Variants in ULBP3 observed in about 807,000 individuals in gnomAD.
The protein encoded by ULBP3 is UL16 binding protein 3.
Under a neutral mutation model 24.9 loss-of-function variants are expected in ULBP3, and 25 were observed. The observed-to-expected ratio is 1.00, with a 90% CI of 0.73 to 1.40. The LOEUF is 1.40. Among genes scored for constraint, ULBP3 ranks in the 40% most tolerant of loss-of-function variants. ULBP3 has a pLI of 0.00. For synonymous variants in ULBP3, 114 were observed against 114.7 expected, an observed-to-expected ratio of 0.99 and a Z score of 0.04; for missense variants, 306 against 307.5, an observed-to-expected ratio of 1.00 and a Z score of 0.04.
At chr6:150,065,126 T>TGACGCCCACAGTTTC (rs1348489982) in intron 3 of ULBP3, among the ~76,000 whole-genome samples, 1 of 151,984 alleles carries the variant, frequency 6.6e-6, no homozygotes. Context: ...CCCACAGTTT[T>TGACGCCCACAGTTTC]GAGGCTGGTG....
At chr6:150,068,876 C>A (rs1776387217) in intron 1 of ULBP3, 103 bp downstream of exon 1, 3 of 1,235,596 alleles carry the variant, frequency 2.4e-6, no homozygotes, top group South Asian at 3.4e-5. Flanking sequence ...CCGGGGAGAT[C>A]GCGCCGGTCC....
At position 150,068,580 on chromosome 6, in the gene ULBP3, G is replaced by A. The variant is rs554994540; in HGVS notation, c.88+399C>T. On this transcript the variant is annotated intron_variant, in intron 1 of 4. Transcript: ENST00000367339. ...TTCTAGAAAGGGTTTGCTGACTCCTGTCTGCTTAGTGACTATTCTATATGA... is the reference window on the plus strand; with the variant it reads ...TTCTAGAAAGGGTTTGCTGACTCCTATCTGCTTAGTGACTATTCTATATGA... Among the ~76,000 whole-genome samples the A allele has an allele frequency of 5.3e-5, 8 of 152,330 alleles. No individual in the cohort carries two copies. The South Asian group carries it at 1.7e-3, about 32-fold the overall frequency.
At chr6:150,066,661 C>T (rs1776351701) in intron 1 of ULBP3, among the ~76,000 whole-genome samples, 1 of 152,132 alleles carries the variant, frequency 6.6e-6, no homozygotes, top group African/African-American at 2.4e-5. Context: ...AACAGAAAAC[C>T]CAGGTCTTAC....
chr6:150,067,706 A>T (rs1776367582), intron 1 of ULBP3, among the ~76,000 whole-genome samples: 1 of 152,138 alleles, frequency 6.6e-6, no homozygotes, highest in African/African-American at 2.4e-5. Flanking sequence ...ACACTCTGTG[A>T]TGAGGGGTGT....
rs1776270756 is a variant in ULBP3, at chr6:150,061,195, T to C, written c.*2179A>G. Among the ~76,000 whole-genome samples, 5 of 152,318 alleles carry C rather than the reference T, an allele frequency of 3.3e-5. No individual in the cohort carries two copies. The South Asian group carries it at 1.0e-3, about 32-fold the overall frequency. On this transcript the variant is annotated 3_prime_UTR_variant, in exon 5 of 5. Transcript: ENST00000367339. ...CTGGGTTAGCGTTCATAGTGCAAAG[T>C]TCTCTCGTTCCACTCAGTTAACCCC...
At chr6:150,067,600 T>C (rs1238382172) in intron 1 of ULBP3, among the ~76,000 whole-genome samples, 1 of 152,190 alleles carries the variant, frequency 6.6e-6, no homozygotes, top group Non-Finnish European at 1.5e-5. Context: ...TGGATAGTGT[T>C]TGTAGTTAAT....
In ULBP3 at chr6:150,065,984, T is replaced by A; in HGVS notation, c.267A>T (p.Gly89=). Residue 89 remains glycine (G), a synonymous_variant, in exon 2 of 5, where the codon GGA becomes GGT. Coordinates refer to ENST00000367339, the MANE Select transcript of ULBP3 (RefSeq NM_024518.3). ...CCTCTCTCAGCATTTCCAGTTGTTT[T>A]CCCCAGGCATCTGTGGCATACAGCT... ...EEQLYATDAW[G]KQLEMLREVG... 6.2e-7 allele frequency: 1 copy of A among 1,614,188 alleles called. No individual in the cohort carries two copies. The highest frequency in any genetic ancestry group is 1.1e-5 in the South Asian group (1 of 91,080).
rs368523204 is a variant in ULBP3, at chr6:150,062,929, T to C, written c.*445A>G. Among the ~76,000 whole-genome samples, 11 of 151,342 alleles carry C rather than the reference T, an allele frequency of 7.3e-5. No homozygotes were observed. Among genetic ancestry groups the C allele is most frequent in the African/African-American group, 2.2e-4 (9 of 41,214 alleles). ...CATCCTGGCTAACAAGGTGAAACCC[T>C]GTCTCTACTAAAAATACAAAAAATT... On this transcript the variant is annotated 3_prime_UTR_variant, in exon 5 of 5. Coordinates refer to ENST00000367339, the MANE Select transcript of ULBP3 (RefSeq NM_024518.3).
In ULBP3 at chr6:150,069,082, C is replaced by T. The variant is rs1474086793; in HGVS notation, c.-16G>A. ...CCGCTGCCATTGTAGACCAGGAGCGCCCGGGACACAAGGCGCAGTCGATGT... is the reference window on the plus strand; with the variant it reads ...CCGCTGCCATTGTAGACCAGGAGCGTCCGGGACACAAGGCGCAGTCGATGT... On this transcript the variant is annotated 5_prime_UTR_variant, in exon 1 of 5. Coordinates refer to ENST00000367339, the MANE Select transcript of ULBP3 (RefSeq NM_024518.3). 3.1e-6 allele frequency: 5 copies of T among 1,607,872 alleles called. No homozygotes were observed. The highest frequency in any genetic ancestry group is 1.7e-4 in the Middle Eastern group (1 of 6,036).
chr6:150,064,861 G>T (rs1776322640), intron 3 of ULBP3, 148 bp from the exon 4 acceptor site: 3 of 795,200 alleles, frequency 3.8e-6, no homozygotes, highest in Admixed American at 2.6e-5. Context: ...GGTCCTGGGG[G>T]TAGGAAGGGA....
At position 150,065,915 on chromosome 6, in the gene ULBP3, C is replaced by T. The variant is rs146768460; in HGVS notation, c.336G>A (p.Glu112=). The T allele has an allele frequency of 5.2e-5, 84 of 1,614,168 alleles. No individual in the cohort carries two copies. In the African/African-American group the frequency reaches 5.6e-4, roughly 11 times the overall value. The stretch of plus-strand genomic sequence containing the variant: ...TTCACTCACCACTGGGTGTGAAATC[C>T]TCCAGCTCAGTGTCAGCCAGTTCCA... ...LRLELADTEL[E]DFTPSGPLTL... is the part of the protein sequence containing the mutation. The change falls in exon 2 of 5, where the codon GAG becomes GAA. Residue 112 remains glutamate (E), a synonymous_variant. Transcript: ENST00000367339.
In ULBP3 at chr6:150,068,973, A is replaced by C. The variant is rs1484954190; in HGVS notation, c.88+6T>G. 6.2e-7 allele frequency: 1 copy of C among 1,601,980 alleles called. No individual in the cohort carries two copies. The highest frequency in any genetic ancestry group is 1.3e-5 in the African/African-American group (1 of 74,670). ...CGCCCCGCTTAGGCTCCATCCCCGA[A>C]CTCACCGGCCCGCCCCGTCCCGGAC... On this transcript the variant is annotated splice_donor_region_variant and intron_variant, in intron 1 of 4. Coordinates refer to ENST00000367339, the MANE Select transcript of ULBP3 (RefSeq NM_024518.3).
At position 150,065,940 on chromosome 6, in the gene ULBP3, A is replaced by C; in HGVS notation, c.311T>G (p.Leu104Arg). 6.2e-7 allele frequency: 1 copy of C among 1,614,190 alleles called. No individual in the cohort carries two copies. The highest frequency in any genetic ancestry group is 8.5e-7 in the Non-Finnish European group (1 of 1,180,032). Residue 104 changes from leucine (L) to arginine (R), a missense_variant, in exon 2 of 5, where the codon CTG (leucine) becomes CGG (arginine). Transcript: ENST00000367339. ...MLREVGQRLRLELADTELEDF... is the reference protein window; with the variant it reads ...MLREVGQRLRRELADTELEDF... ...CTCCAGCTCAGTGTCAGCCAGTTCC[A>C]GTCTGAGCCTCTGCCCCACCTCTCT...
At position 150,065,972 on chromosome 6, in the gene ULBP3, T is replaced by A. The variant is rs748432911; in HGVS notation, c.279A>T (p.Glu93Asp). The change falls in exon 2 of 5, where the codon GAA becomes GAT. Residue 93 changes from glutamate to aspartate, a missense_variant. By Grantham distance (45) the Glu-to-Asp change is conservative (BLOSUM62 2). Transcript: ENST00000367339. ...YATDAWGKQL[E>D]MLREVGQRLR... ...GCCTCTGCCCCACCTCTCTCAGCAT[T>A]TCCAGTTGTTTTCCCCAGGCATCTG... is the stretch of plus-strand genomic sequence containing the variant. 6.2e-7 allele frequency: 1 copy of A among 1,614,192 alleles called. No individual in the cohort carries two copies. The highest frequency in any genetic ancestry group is 8.5e-7 in the Non-Finnish European group (1 of 1,180,030).
Position 150,061,101 on chromosome 6 carries a change from T to A in ULBP3, c.*2273A>T, listed in dbSNP as rs1321959773. Among the ~76,000 whole-genome samples the A allele has an allele frequency of 6.6e-6, 1 of 152,024 alleles. No homozygotes were observed. The highest frequency in any genetic ancestry group is 2.4e-5 in the African/African-American group (1 of 41,368). On this transcript the variant is annotated 3_prime_UTR_variant, in exon 5 of 5. Coordinates refer to ENST00000367339, the MANE Select transcript of ULBP3 (RefSeq NM_024518.3). Reference sequence around the variant, plus strand: ...TTTTAGGGTTTGGCACTTTCACGTATAACTTTTATACAATTATCATCATAT... The same window carrying A: ...TTTTAGGGTTTGGCACTTTCACGTAAAACTTTTATACAATTATCATCATAT...
intron 3 of ULBP3, among the ~76,000 whole-genome samples, 160 bp downstream of exon 3, chr6:150,065,238 T>A (rs1025480265): frequency 8.6e-5 from 13 of 151,948 alleles, no homozygotes; most frequent in Middle Eastern, 3.2e-3. Flanking sequence ...GAGGGGTTCA[T>A]GTTCTTACAC....
intron 2 of ULBP3, 40 bp downstream of exon 2, chr6:150,065,859 C>T: frequency 3.1e-6 from 5 of 1,608,354 alleles, no homozygotes; most frequent in Non-Finnish European, 3.4e-6. Context: ...CCCCTGAGCC[C>T]ACAGTCTGCT....
intron 1 of ULBP3, 97 bp downstream of exon 1, chr6:150,068,882 G>T (rs767033693): frequency 3.9e-6 from 5 of 1,282,540 alleles, no homozygotes; most frequent in Non-Finnish European, 5.2e-6. Flanking sequence ...AGATCGCGCC[G>T]GTCCTTCTAG....
intron 4 of ULBP3, among the ~76,000 whole-genome samples, chr6:150,064,179 C>T (rs1421161274): frequency 6.6e-6 from 1 of 152,170 alleles, no homozygotes; most frequent in African/African-American, 2.4e-5. Context: ...ACACCCCTTC[C>T]CTTGACATCC....
Sources: allele counts gnomAD v4.1 joint callset (sites outside exome capture counted in the v4.1 genomes callset), GRCh38; gene constraint gnomAD v4.1.1; transcripts MANE v1.5; gene names NCBI Gene and HGNC (gene_info 2026-07-23, HGNC 2026-07-21).